Variants in ATG7 observed in about 807,000 individuals in gnomAD.
The protein encoded by ATG7 is autophagy related 7.
A neutral mutation model predicts 82.4 loss-of-function variants in ATG7; 70 were observed. The ratio of observed to expected loss-of-function variants is 0.85; its 90% CI spans 0.70 to 1.04. The LOEUF (loss-of-function observed/expected upper bound fraction) is 1.04. Ranked by LOEUF, ATG7 falls within the 50% of genes least tolerant of loss-of-function variation. The pLI, the probability that ATG7 is intolerant of heterozygous loss-of-function variation, is 0.00. For missense variants in ATG7, 792 were observed against 864.3 expected (o/e 0.92, Z 1.05); for synonymous variants, 287 against 313.0 (o/e 0.92, Z 0.88).
At chr3:11,500,368 T>C (rs1249523921) in intron 20 of ATG7, among the ~76,000 whole-genome samples, 2 of 152,162 alleles carry the variant, frequency 1.3e-5, no homozygotes, top group African/African-American at 4.8e-5. Context: ...AAATTGATCA[T>C]ATCGAGTAGG....
At chr3:11,362,071 A>G (rs945996650) in intron 16 of ATG7, among the ~76,000 whole-genome samples, 1 of 152,206 alleles carries the variant, frequency 6.6e-6, no homozygotes, top group Non-Finnish European at 1.5e-5. Context: ...GTTATAATAT[A>G]TAGCTGGTCT....
At chr3:11,514,955 C>G (rs1375626226) in intron 20 of ATG7, among the ~76,000 whole-genome samples, 1 of 151,596 alleles carries the variant, frequency 6.6e-6, no homozygotes, top group Non-Finnish European at 1.5e-5. Context: ...ATTCTCCTGC[C>G]TCAGCTTCCT....
At chr3:11,303,265 T>G (rs1450100686) in intron 5 of ATG7, among the ~76,000 whole-genome samples, 1 of 152,182 alleles carries the variant, frequency 6.6e-6, no homozygotes, top group African/African-American at 2.4e-5. Flanking sequence ...CAAAGAAGAC[T>G]GGGAAGCGTG....
At chr3:11,410,920 A>G (rs1224966743) in intron 19 of ATG7, among the ~76,000 whole-genome samples, 5 of 152,200 alleles carry the variant, frequency 3.3e-5, no homozygotes, top group Admixed American at 3.3e-4. Context: ...TTTTGGGTGT[A>G]TAGCCAGAAT....
intron 20 of ATG7, among the ~76,000 whole-genome samples, chr3:11,455,919 G>A (rs988756571): frequency 6.6e-6 from 1 of 152,110 alleles, no homozygotes; most frequent in South Asian, 2.1e-4. Flanking sequence ...CAGAAATTCT[G>A]TATCCCTTCT....
At chr3:11,355,252 A>G (rs1411486381) in intron 14 of ATG7, among the ~76,000 whole-genome samples, 1 of 152,190 alleles carries the variant, frequency 6.6e-6, no homozygotes, top group Non-Finnish European at 1.5e-5. Flanking sequence ...GACCTCATTG[A>G]ATACTCTGAG....
Position 11,287,610 on chromosome 3 carries a change from C to T in ATG7, c.-11+5172C>T, listed in dbSNP as rs568114150. On this transcript the variant is annotated intron_variant, in intron 3 of 20. Transcript: ENST00000693202. ...AGATGTAGAATGCTGCTGATGCAGT[C>T]TTTCCGGAACGTTATGAGCCTTAAT... Among the ~76,000 whole-genome samples the T allele has an allele frequency of 2.0e-5, 3 of 152,320 alleles. No individual in the cohort carries two copies. In the South Asian group the frequency reaches 6.2e-4, roughly 32 times the overall value.
intron 11 of ATG7, among the ~76,000 whole-genome samples, chr3:11,339,371 A>G (rs11711175): frequency 0.2 from 30,995 of 151,524 alleles, 3,561 homozygotes; most frequent in South Asian, 0.35. Flanking sequence ...CCCCAGTCCC[A>G]TACATCTTAA....
intron 20 of ATG7, among the ~76,000 whole-genome samples, chr3:11,482,453 TG>T (rs946875085): frequency 1.8e-4 from 28 of 152,190 alleles, no homozygotes; most frequent in Non-Finnish European, 3.5e-4. Flanking sequence ...ATCTTTTTGG[TG>T]GGTACTTTGG....
At chr3:11,520,486 G>A (rs977881996) in intron 20 of ATG7, among the ~76,000 whole-genome samples, 1 of 152,218 alleles carries the variant, frequency 6.6e-6, no homozygotes, top group Non-Finnish European at 1.5e-5. Context: ...TATGGCTACT[G>A]ATGGTGGCTG....
intron 20 of ATG7, among the ~76,000 whole-genome samples, chr3:11,548,188 G>A (rs2125051379): frequency 6.6e-6 from 1 of 152,120 alleles, no homozygotes; most frequent in Middle Eastern, 3.4e-3. Flanking sequence ...TTATTGCGTT[G>A]TAAATGGCCT....
At chr3:11,329,326 G>C (rs1014276655) in intron 9 of ATG7, among the ~76,000 whole-genome samples, 1 of 152,164 alleles carries the variant, frequency 6.6e-6, no homozygotes, top group African/African-American at 2.4e-5. Flanking sequence ...AAATAAAAGG[G>C]AGTGTTTAGG....
chr3:11,460,702 A>G (rs1262719713), intron 20 of ATG7, among the ~76,000 whole-genome samples: 1 of 152,178 alleles, frequency 6.6e-6, no homozygotes, highest in Non-Finnish European at 1.5e-5. Flanking sequence ...CCCCTCCCAA[A>G]TTTCATCCCA....
chr3:11,362,945 G>A lies in ATG7; in HGVS notation c.1799+17G>A, dbSNP rs749491573. 3.1e-6 allele frequency: 5 copies of A among 1,606,948 alleles called. No homozygotes were observed. Among genetic ancestry groups the A allele is most frequent in the African/African-American group, 2.7e-5 (2 of 74,722 alleles). ...TCCAGAAGGGTGAGTTTGCTAGTAG[G>A]AGATGAGTATTTAAACAAAGCTTTT... On this transcript the variant is annotated intron_variant, in intron 17 of 20. Transcript: ENST00000693202.
At chr3:11,386,901 C>T (rs190645264) in intron 19 of ATG7, among the ~76,000 whole-genome samples, 10 of 152,210 alleles carry the variant, frequency 6.6e-5, no homozygotes, top group Non-Finnish European at 2.9e-5. Context: ...TAGCTACAAG[C>T]CTTAACCTCA....
intron 19 of ATG7, among the ~76,000 whole-genome samples, chr3:11,415,774 T>A (rs375254182): frequency 0.01 from 1,380 of 134,844 alleles, 10 homozygotes; most frequent in South Asian, 0.028. Flanking sequence ...TTTTTTTTTT[T>A]AAATAAGTAG....
chr3:11,288,222 T>C (rs920218286), intron 3 of ATG7, among the ~76,000 whole-genome samples: 4 of 152,268 alleles, frequency 2.6e-5, no homozygotes, highest in African/African-American at 9.6e-5. Context: ...GAACTCATTA[T>C]CTCTCTGATC....
chr3:11,290,660 C>G (rs184359972), intron 3 of ATG7: 68 of 235,618 alleles, frequency 2.9e-4, no homozygotes, highest in African/African-American at 1.5e-3. Flanking sequence ...GAACCACTAT[C>G]TGCAATTAAT....
chr3:11,423,375 A>AT (rs2082098542), intron 19 of ATG7, among the ~76,000 whole-genome samples: 4 of 152,258 alleles, frequency 2.6e-5, no homozygotes, highest in Non-Finnish European at 5.9e-5. Context: ...ATATTGTGAG[A>AT]ATTACCAAAA....
Sources: allele counts gnomAD v4.1 joint callset (sites outside exome capture counted in the v4.1 genomes callset), GRCh38; gene constraint gnomAD v4.1.1; transcripts MANE v1.5; gene names NCBI Gene and HGNC (gene_info 2026-07-23, HGNC 2026-07-21).